Variants in FOXO1 observed in about 807,000 individuals in gnomAD.
The protein encoded by FOXO1 is forkhead box O1, also known as forkhead box protein O1.
A neutral mutation model predicts 44.1 loss-of-function variants in FOXO1; 6 were observed. That is an observed-to-expected ratio of 0.14 (90% confidence interval 0.07 to 0.27). The LOEUF (loss-of-function observed/expected upper bound fraction) is 0.27, where lower values mean the gene tolerates loss of function less well. Among genes scored for constraint, FOXO1 ranks in the 10% least tolerant of loss-of-function variants. The probability of loss-of-function intolerance (pLI) is 1.00; values close to 1 mark genes in which losing one functional copy is unlikely to be tolerated. For synonymous variants in FOXO1, 380 were observed against 362.7 expected, an observed-to-expected ratio of 1.05 and a Z score of -0.54; for missense variants, 737 against 888.8, an observed-to-expected ratio of 0.83 and a Z score of 2.17.
In FOXO1 at chr13:40,666,613, G is replaced by C. The variant is rs557230106; in HGVS notation, c.-401C>G. On this transcript the variant is annotated 5_prime_UTR_variant, in exon 1 of 3. Transcript: ENST00000379561. ...TGGCGGCTGCGGCAGCGGCTGCTGC[G>C]ACTACCAGGCCGCCCGACTTACGGG... 5.3e-6 allele frequency: 1 copy of C among 189,242 alleles called. No homozygotes were observed. Among genetic ancestry groups the C allele is most frequent in the Non-Finnish European group, 1.1e-5 (1 of 90,462 alleles). The allele number at this position is 189,242 out of a possible 1,614,324, so 11.7% of individuals were successfully genotyped here.
chr13:40,566,128 A>G (rs866754201), intron 1 of FOXO1, among the ~76,000 whole-genome samples: 12 of 152,302 alleles, frequency 7.9e-5, no homozygotes, highest in Middle Eastern at 6.8e-3. Context: ...CGAGCTCTGG[A>G]CACAGCCAGC....
At chr13:40,585,310 C>G (rs1875115807) in intron 1 of FOXO1, among the ~76,000 whole-genome samples, 1 of 150,184 alleles carries the variant, frequency 6.7e-6, no homozygotes, top group South Asian at 2.1e-4. Context: ...CCCGCTTTCC[C>G]CTTTAGTATG....
At chr13:40,580,469 C>T (rs1353730383) in intron 1 of FOXO1, among the ~76,000 whole-genome samples, 2 of 152,166 alleles carry the variant, frequency 1.3e-5, no homozygotes, top group Non-Finnish European at 2.9e-5. Flanking sequence ...AAATGTGAGA[C>T]CTTGGCTGAG....
In FOXO1 at chr13:40,666,266, G is replaced by A. The variant is rs73469070; in HGVS notation, c.-54C>T. 2.1e-3 allele frequency: 2,778 copies of A among 1,315,296 alleles called. 51 individuals are homozygous for A. The African/African-American group carries it at 0.036, about 17-fold the overall frequency. 81.5% of individuals were successfully genotyped at this position (1,315,296 alleles called of 1,614,324 possible). A position where few individuals can be genotyped will look rare whatever the true frequency, so the allele number is the denominator to read the frequency against. Reference sequence around the variant, plus strand: ...GGAGAGCCAAGAGGGGGAGAACGCAGCACTGGGGGCGGACGGGGAGGGGGC... The same window carrying A: ...GGAGAGCCAAGAGGGGGAGAACGCAACACTGGGGGCGGACGGGGAGGGGGC... On this transcript the variant is annotated 5_prime_UTR_variant, in exon 1 of 3. Transcript: ENST00000379561.
intron 1 of FOXO1, among the ~76,000 whole-genome samples, chr13:40,564,024 C>T (rs997771704): frequency 1.7e-4 from 26 of 152,142 alleles, no homozygotes; most frequent in Non-Finnish European, 3.5e-4. Flanking sequence ...GGAGAGGAAG[C>T]TTGACTCCTG....
chr13:40,643,338 T>C (rs998607270), intron 1 of FOXO1, among the ~76,000 whole-genome samples: 1 of 140,956 alleles, frequency 7.1e-6, no homozygotes, highest in African/African-American at 2.6e-5. Flanking sequence ...TGAGACTCCG[T>C]CTCAAAAAGA....
rs1389643935 is a variant in FOXO1, at chr13:40,558,926, T to G, written c.*123A>C. On this transcript the variant is annotated 3_prime_UTR_variant, in exon 3 of 3. Transcript: ENST00000379561. ...AGGAAAAAAGGAGGGTTTTTTTTTTTGTTTTTTTTTTTAACCAAGAAAACT... is the reference window on the plus strand; with the variant it reads ...AGGAAAAAAGGAGGGTTTTTTTTTTGGTTTTTTTTTTTAACCAAGAAAACT... 2.2e-3 allele frequency: 737 copies of G among 339,850 alleles called. 5 individuals are homozygous for G. Among genetic ancestry groups the G allele is most frequent in the African/African-American group, 0.016 (557 of 33,862 alleles). The allele number at this position is 339,850 out of a possible 1,614,324, so 21.1% of individuals were successfully genotyped here. A position where few individuals can be genotyped will look rare whatever the true frequency, so the allele number is the denominator to read the frequency against.
chr13:40,631,973 A>G (rs1167134729), intron 1 of FOXO1, among the ~76,000 whole-genome samples: 1 of 152,212 alleles, frequency 6.6e-6, no homozygotes, highest in East Asian at 1.9e-4. Context: ...CTACCTCCAA[A>G]AAAAATGAAA....
Position 40,558,845 on chromosome 13 carries a change from C to G in FOXO1, c.*204G>C, listed in dbSNP as rs1249487761. On this transcript the variant is annotated 3_prime_UTR_variant, in exon 3 of 3. Transcript: ENST00000379561. The stretch of plus-strand genomic sequence containing the variant: ...TATCTACAGCAGCACATAACCTGCA[C>G]ACATTGGGCAAACATCCTGTACAGG... 50 of 398,482 alleles carry G rather than the reference C, an allele frequency of 1.3e-4. No homozygotes were observed. The Admixed American group carries it at 2.2e-3, about 18-fold the overall frequency. The allele number at this position is 398,482 out of a possible 1,614,324, so 24.7% of individuals were successfully genotyped here.
At chr13:40,640,608 T>C (rs1340131976) in intron 1 of FOXO1, among the ~76,000 whole-genome samples, 1 of 152,244 alleles carries the variant, frequency 6.6e-6, no homozygotes, top group African/African-American at 2.4e-5. Context: ...TGGGAAGGAC[T>C]GACCTGTTCT....
chr13:40,651,465 A>T (rs1377764848), intron 1 of FOXO1, among the ~76,000 whole-genome samples: 1 of 152,140 alleles, frequency 6.6e-6, no homozygotes, highest in Non-Finnish European at 1.5e-5. Flanking sequence ...AAACATGCCT[A>T]ATTACAGGAA....
At chr13:40,656,881 A>G (rs1877875728) in intron 1 of FOXO1, among the ~76,000 whole-genome samples, 1 of 149,874 alleles carries the variant, frequency 6.7e-6, no homozygotes, top group Middle Eastern at 3.4e-3. Context: ...CCCAGGCTGG[A>G]GTGCAGTGGC....
intron 1 of FOXO1, among the ~76,000 whole-genome samples, chr13:40,637,517 T>C (rs1186280429): frequency 6.7e-6 from 1 of 150,146 alleles, no homozygotes; most frequent in Non-Finnish European, 1.5e-5. Flanking sequence ...TACGTCTTCC[T>C]AGCTATCAAA....
intron 1 of FOXO1, among the ~76,000 whole-genome samples, chr13:40,595,073 C>T (rs936464653): frequency 7.9e-5 from 12 of 152,116 alleles, no homozygotes; most frequent in Non-Finnish European, 1.5e-4. Context: ...TTTTCCCTCA[C>T]AAAAGGAACA....
chr13:40,659,570 G>C (rs984533636), intron 1 of FOXO1, among the ~76,000 whole-genome samples: 7 of 151,786 alleles, frequency 4.6e-5, no homozygotes, highest in African/African-American at 1.7e-4. Flanking sequence ...TAAATTGTAT[G>C]ATGAGGAGCT....
At chr13:40,566,847 C>CTT (rs1874288896) in intron 1 of FOXO1, among the ~76,000 whole-genome samples, 1 of 152,136 alleles carries the variant, frequency 6.6e-6, no homozygotes, top group Admixed American at 6.5e-5. Context: ...TCACGGTAGT[C>CTT]TTCTAGGAGC....
chr13:40,559,131 G>A (rs372533319), intron 2 of FOXO1, 97 bp from the exon 3 acceptor site: 29 of 404,054 alleles, frequency 7.2e-5, no homozygotes, highest in Non-Finnish European at 8.7e-5. Flanking sequence ...AAGAGTGACA[G>A]ACATACTTAG....
chr13:40,579,040 C>T (rs989266630), intron 1 of FOXO1, among the ~76,000 whole-genome samples: 9 of 152,230 alleles, frequency 5.9e-5, no homozygotes, highest in Non-Finnish European at 1.3e-4. Flanking sequence ...CACATTTTTA[C>T]ATCCTTTATG....
intron 1 of FOXO1, among the ~76,000 whole-genome samples, chr13:40,582,064 G>A (rs890040806): frequency 3.7e-4 from 56 of 152,154 alleles, no homozygotes; most frequent in African/African-American, 1.2e-3. Flanking sequence ...CTTTCTTCAT[G>A]TATGAAATAC....
Sources: allele counts gnomAD v4.1 joint callset (sites outside exome capture counted in the v4.1 genomes callset), GRCh38; gene constraint gnomAD v4.1.1; transcripts MANE v1.5; gene names NCBI Gene and HGNC (gene_info 2026-07-23, HGNC 2026-07-21).